The following BRI3BP variants were observed in gnomAD, a reference collection of about 807,000 sequenced individuals.
BRI3BP encodes BRI3 binding protein, also known as BRI3-binding protein.
A neutral mutation model predicts 15.8 loss-of-function variants in BRI3BP; 7 were observed. That is an observed-to-expected ratio of 0.44 (90% confidence interval 0.25 to 0.83). The LOEUF (loss-of-function observed/expected upper bound fraction) is 0.83, where lower values mean the gene tolerates loss of function less well. Ranked by LOEUF, BRI3BP falls within the 40% of genes least tolerant of loss-of-function variation. The probability of loss-of-function intolerance (pLI) is 0.20; values close to 1 mark genes in which losing one functional copy is unlikely to be tolerated. For synonymous variants in BRI3BP, 192 were observed against 163.5 expected (o/e 1.17, Z -1.33); for missense variants, 320 against 339.3 (o/e 0.94, Z 0.45).
intron 1 of BRI3BP, among the ~76,000 whole-genome samples, chr12:125,003,979 ACACACACACACACACACACACAC>A (rs1306037346): frequency 7.6e-4 from 115 of 151,158 alleles, no homozygotes; most frequent in East Asian, 7.8e-4. Context: ...ACACACACAC[ACACACACACACACACACACACAC>A]AACACACAAT....
intron 1 of BRI3BP, among the ~76,000 whole-genome samples, chr12:125,011,166 G>T (rs1565904218): frequency 6.6e-6 from 1 of 151,716 alleles, no homozygotes; most frequent in African/African-American, 2.4e-5. Context: ...GAGCCGAGTG[G>T]CCCATGTAGG....
At chr12:125,033,749 G>T (rs868571074), downstream of BRI3BP, among the ~76,000 whole-genome samples, 1,061 of 144,940 alleles carry the variant, frequency 7.3e-3, 18 homozygotes, top group African/African-American at 0.026. Context: ...GTTTTTTTTT[G>T]TTTTTTTTTT....
At chr12:125,047,309 C>T in the BRI3BP span, among the ~76,000 whole-genome samples, 5 of 151,560 alleles carry the variant, frequency 3.3e-5, no homozygotes, top group South Asian at 2.1e-4. Context: ...CCACCACGCC[C>T]GGCTAATTTT....
chr12:124,993,836 C>CTGG lies in BRI3BP; in HGVS notation c.48_49insGTG (p.Leu16_Leu17insVal). On this transcript the variant is annotated inframe_insertion, in exon 1 of 3. Transcript: ENST00000341446. Reference sequence around the variant, plus strand: ...CGGGCCCCTGGCCCGGGCCGGGCTCCTGCTGCTGCTGCTGCTGCTGCTGCT... The same window carrying CTGG: ...CGGGCCCCTGGCCCGGGCCGGGCTCCTGGTGCTGCTGCTGCTGCTGCTGCTGCT... 1.3e-6 allele frequency: 1 copy of CTGG among 777,924 alleles called. No individual in the cohort carries two copies. The highest frequency in any genetic ancestry group is 6.5e-5 in the East Asian group (1 of 15,498). The allele number at this position is 777,924 out of a possible 1,614,324, so 48.2% of individuals were successfully genotyped here. A position where few individuals can be genotyped will look rare whatever the true frequency, so the allele number is the denominator to read the frequency against.
At chr12:125,016,172 G>A (rs531699086) in intron 2 of BRI3BP, among the ~76,000 whole-genome samples, 10 of 152,266 alleles carry the variant, frequency 6.6e-5, no homozygotes, top group East Asian at 1.9e-4. Flanking sequence ...GCTTGCTTCC[G>A]TGTCGAAGCT....
chr12:124,995,667 C>A (rs550698380), intron 1 of BRI3BP, among the ~76,000 whole-genome samples: 1 of 152,118 alleles, frequency 6.6e-6, no homozygotes, highest in Non-Finnish European at 1.5e-5. Flanking sequence ...ATAGAATAAT[C>A]TTATGTAATC....
At chr12:125,010,741 C>T (rs140836192) in intron 1 of BRI3BP, among the ~76,000 whole-genome samples, 354 of 151,436 alleles carry the variant, frequency 2.3e-3, no homozygotes, top group African/African-American at 8.3e-3. Context: ...GTGCCACTTG[C>T]ACTCCAGCCT....
chr12:125,000,273 G>A (rs1367205537), intron 1 of BRI3BP, among the ~76,000 whole-genome samples: 1 of 147,096 alleles, frequency 6.8e-6, no homozygotes, highest in African/African-American at 2.5e-5. Context: ...ACACACTTGT[G>A]AAAAATTACC....
intron 2 of BRI3BP, among the ~76,000 whole-genome samples, chr12:125,020,910 A>T (rs977328429): frequency 5.9e-5 from 9 of 152,188 alleles, no homozygotes; most frequent in Non-Finnish European, 1.2e-4. Context: ...AATAAAATTT[A>T]AAAGATAATT....
At position 125,025,772 on chromosome 12, in the gene BRI3BP, G is replaced by T; in HGVS notation, c.*342G>T. On this transcript the variant is annotated 3_prime_UTR_variant, in exon 3 of 3. Transcript: ENST00000341446. Reference sequence around the variant, plus strand: ...AAGCATTTAAATACATCTTTTGTAAGGTTTTTTAATAAAGGCAGATTGAGT... The same window carrying T: ...AAGCATTTAAATACATCTTTTGTAATGTTTTTTAATAAAGGCAGATTGAGT... 4 of 183,014 alleles carry T rather than the reference G, an allele frequency of 2.2e-5. No homozygotes were observed. Among genetic ancestry groups the T allele is most frequent in the Middle Eastern group, 2.3e-3 (1 of 432 alleles). The allele number at this position is 183,014 out of a possible 1,614,324, so 11.3% of individuals were successfully genotyped here. A position where few individuals can be genotyped will look rare whatever the true frequency, so the allele number is the denominator to read the frequency against.
intron 1 of BRI3BP, among the ~76,000 whole-genome samples, chr12:125,010,965 G>A (rs117641493): frequency 0.027 from 4,007 of 151,124 alleles, 173 homozygotes; most frequent in Admixed American, 0.12. Context: ...GTGATGGTGC[G>A]TGCCTGTAGT....
rs531841118 is a variant in BRI3BP, at chr12:125,022,738, G to A, written c.317-2253G>A. ...GATGGGGTTTCACCATGTTGGCCAGGCTGGTCTCAAACTCCTGATCTCAGG... is the reference window on the plus strand; with the variant it reads ...GATGGGGTTTCACCATGTTGGCCAGACTGGTCTCAAACTCCTGATCTCAGG... On this transcript the variant is annotated intron_variant, in intron 2 of 2. Transcript: ENST00000341446. Among the ~76,000 whole-genome samples, 365 of 152,072 alleles carry A rather than the reference G, an allele frequency of 2.4e-3. 2 individuals carry two copies. The highest frequency in any genetic ancestry group is 8.4e-3 in the African/African-American group (347 of 41,470).
intron 2 of BRI3BP, among the ~76,000 whole-genome samples, chr12:125,024,083 A>G (rs10773136): frequency 0.48 from 72,901 of 152,088 alleles, 19,366 homozygotes; most frequent in African/African-American, 0.7. Context: ...ACCTGAGACT[A>G]GGTAATGCAT....
At chr12:124,997,282 C>T (rs1955050119) in intron 1 of BRI3BP, among the ~76,000 whole-genome samples, 1 of 126,810 alleles carries the variant, frequency 7.9e-6, no homozygotes, top group Non-Finnish European at 1.6e-5. Context: ...ATGGCGAGCT[C>T]TCGGCTTACT....
intron 1 of BRI3BP, among the ~76,000 whole-genome samples, chr12:125,003,032 G>T (rs1050726419): frequency 1.3e-5 from 2 of 152,200 alleles, no homozygotes; most frequent in African/African-American, 2.4e-5. Context: ...TGTATGTTAT[G>T]TTCCAGCATT....
chr12:125,031,005 A>T lies in BRI3BP; in HGVS notation c.*5575A>T, dbSNP rs1386895076. 6.6e-6 allele frequency: 1 copy of T among 152,084 alleles called. No homozygotes were observed. 9.4% of individuals were successfully genotyped at this position (152,084 alleles called of 1,614,324 possible). A position where few individuals can be genotyped will look rare whatever the true frequency, so the allele number is the denominator to read the frequency against. On this transcript the variant is annotated 3_prime_UTR_variant, in exon 3 of 3. Coordinates refer to ENST00000341446, the MANE Select transcript of BRI3BP (RefSeq NM_080626.6). ...CACTTTAGTTTCGTGAGCCTTGGGA[A>T]ACTGATTCTACAAATATCTTATATA...
intron 1 of BRI3BP, among the ~76,000 whole-genome samples, chr12:125,007,162 G>A (rs573825466): frequency 6.7e-4 from 102 of 152,096 alleles, no homozygotes; most frequent in Non-Finnish European, 1.1e-3. Context: ...TCGCACCACT[G>A]TACTCTAGCC....
At chr12:124,997,809 C>G (rs1191688615) in intron 1 of BRI3BP, among the ~76,000 whole-genome samples, 2 of 151,638 alleles carry the variant, frequency 1.3e-5, no homozygotes, top group Non-Finnish European at 2.9e-5. Flanking sequence ...GTCAACATGG[C>G]GAAACCCTGT....
intron 1 of BRI3BP, among the ~76,000 whole-genome samples, chr12:125,010,101 C>CA (rs34509244): frequency 0.021 from 2,993 of 143,334 alleles, 43 homozygotes; most frequent in African/African-American, 0.051. Flanking sequence ...GACCCTGTCT[C>CA]AAAAAAAAAA....
Sources: allele counts gnomAD v4.1 joint callset (sites outside exome capture counted in the v4.1 genomes callset), GRCh38; gene constraint gnomAD v4.1.1; transcripts MANE v1.5; gene names NCBI Gene and HGNC (gene_info 2026-07-23, HGNC 2026-07-21).